Variants in FNDC3B observed in about 807,000 individuals in gnomAD.
The protein encoded by FNDC3B is fibronectin type III domain-containing protein 3B.
FNDC3B carries 12 observed loss-of-function variants against 151.5 expected under a neutral mutation model. The observed-to-expected ratio is 0.08, with a 90% CI of 0.05 to 0.13. The LOEUF is 0.13. Among genes scored for constraint, FNDC3B ranks in the 10% least tolerant of loss-of-function variants. The probability of loss-of-function intolerance (pLI) is 1.00; values close to 1 mark genes in which losing one functional copy is unlikely to be tolerated. For missense variants in FNDC3B, 1,214 were observed against 1,505.3 expected (o/e 0.81, Z 3.20); for synonymous variants, 528 against 549.0 (o/e 0.96, Z 0.54).
intron 3 of FNDC3B, among the ~76,000 whole-genome samples, chr3:172,171,468 T>C (rs1209532155): frequency 6.6e-6 from 1 of 152,102 alleles, no homozygotes; most frequent in African/African-American, 2.4e-5. Flanking sequence ...AAGAATGGGG[T>C]ATCTTTTTAA....
At chr3:172,195,724 T>C (rs1321430137) in intron 3 of FNDC3B, among the ~76,000 whole-genome samples, 1 of 152,196 alleles carries the variant, frequency 6.6e-6, no homozygotes, top group East Asian at 1.9e-4. Context: ...GCAGTACAGG[T>C]TAAGTCACAA....
chr3:172,123,490 C>A (rs1720657571), intron 2 of FNDC3B, among the ~76,000 whole-genome samples: 1 of 152,034 alleles, frequency 6.6e-6, no homozygotes, highest in Non-Finnish European at 1.5e-5. Context: ...ACATTAATCA[C>A]TGAGCATGTT....
At chr3:172,377,498 C>T (rs932191626) in intron 23 of FNDC3B, among the ~76,000 whole-genome samples, 1 of 152,134 alleles carries the variant, frequency 6.6e-6, no homozygotes, top group Non-Finnish European at 1.5e-5. Flanking sequence ...GGGAAAACAC[C>T]TAAAACATAA....
At chr3:172,172,465 T>C (rs1352043662) in intron 3 of FNDC3B, among the ~76,000 whole-genome samples, 1 of 152,236 alleles carries the variant, frequency 6.6e-6, no homozygotes, top group Non-Finnish European at 1.5e-5. Flanking sequence ...ATTACAAATC[T>C]GAGGGATAAT....
rs1370626385 is a variant in FNDC3B, at chr3:172,185,208, CAT to C, written c.188-41659_188-41658del. Among the ~76,000 whole-genome samples the C allele has an allele frequency of 5.3e-5, 8 of 152,266 alleles. No individual in the cohort carries two copies. The East Asian group carries it at 7.7e-4, about 15-fold the overall frequency. On this transcript the variant is annotated intron_variant, in intron 3 of 25. Transcript: ENST00000415807. ...CAAGTTTATAACTCCTTTCACATGA[CAT>C]ATAGATTTTTCATTTATAAAAAGTT...
intron 18 of FNDC3B, 103 bp from the exon 19 acceptor site, chr3:172,343,983 G>A (rs907620285): frequency 2.0e-6 from 2 of 1,003,560 alleles, no homozygotes; most frequent in African/African-American, 1.6e-5. Context: ...TACTGAGGCC[G>A]GCCACCTATG....
chr3:172,058,217 G>A lies in FNDC3B; in HGVS notation c.-29+18446G>A, dbSNP rs545682797. Among the ~76,000 whole-genome samples, 215 of 152,220 alleles carry A rather than the reference G, an allele frequency of 1.4e-3. 2 individuals carry two copies. The highest frequency in any genetic ancestry group is 2.5e-3 in the Non-Finnish European group (173 of 68,010). On this transcript the variant is annotated intron_variant, in intron 1 of 25. Coordinates refer to ENST00000415807, the MANE Select transcript of FNDC3B (RefSeq NM_022763.4). ...GTCAGAGCTTTCTCTCGGAATATTA[G>A]TTTTGCTTTTCAGAAGCAACATTCA...
rs1284518170 is a variant in FNDC3B, at chr3:172,381,064, T to C, written c.3274T>C (p.Leu1092=). 5 of 1,613,684 alleles carry C rather than the reference T, an allele frequency of 3.1e-6. No individual in the cohort carries two copies. Among genetic ancestry groups the C allele is most frequent in the Non-Finnish European group, 4.2e-6 (5 of 1,179,670 alleles). The change falls in exon 25 of 26, where the codon TTG becomes CTG. Residue 1092 remains leucine, a synonymous_variant. Coordinates refer to ENST00000415807, the MANE Select transcript of FNDC3B (RefSeq NM_022763.4). ...CCCTGTTAACTACATTCTGCAGGTATTGGTTGGAAGAGAATCTGAGTACAA... is the reference window on the plus strand; with the variant it reads ...CCCTGTTAACTACATTCTGCAGGTACTGGTTGGAAGAGAATCTGAGTACAA... The part of the protein sequence containing the change: ...GDPVNYILQV[L]VGRESEYKQV...
chr3:172,269,386 A>G (rs1022560113), intron 6 of FNDC3B, among the ~76,000 whole-genome samples: 7 of 152,022 alleles, frequency 4.6e-5, no homozygotes, highest in Non-Finnish European at 1.0e-4. Context: ...AGCCTCCTGA[A>G]TAGCTGGGAC....
intron 1 of FNDC3B, among the ~76,000 whole-genome samples, chr3:172,041,102 C>G (rs986529680): frequency 6.6e-6 from 1 of 152,168 alleles, no homozygotes; most frequent in East Asian, 1.9e-4. Context: ...TAGAATTTGG[C>G]CGCAATGGGC....
chr3:172,187,582 A>G (rs1453439641), intron 3 of FNDC3B, among the ~76,000 whole-genome samples: 1 of 152,268 alleles, frequency 6.6e-6, no homozygotes, highest in East Asian at 1.9e-4. Context: ...TACAACTTTT[A>G]AACCAACTTC....
Position 172,307,450 on chromosome 3 carries a change from C to T in FNDC3B, c.1149C>T (p.Phe383=). ...TTHSCAPECP[F]PPKLAHRSKS... ...ACAGCTGTGCACCCGAGTGTCCTTT[C>T]CCCCCTAAGCTGGCACATAGGAGCA... The change falls in exon 10 of 26, where the codon TTC becomes TTT. Residue 383 remains phenylalanine (F), a synonymous_variant. Transcript: ENST00000415807. The T allele has an allele frequency of 6.2e-7, 1 of 1,613,970 alleles. No individual in the cohort carries two copies. Among genetic ancestry groups the T allele is most frequent in the Non-Finnish European group, 8.5e-7 (1 of 1,179,900 alleles).
chr3:172,373,338 G>A (rs1734974715), intron 23 of FNDC3B, among the ~76,000 whole-genome samples: 1 of 152,210 alleles, frequency 6.6e-6, no homozygotes, highest in Non-Finnish European at 1.5e-5. Context: ...GGACCCTTCT[G>A]TTGCCTTCTG....
intron 25 of FNDC3B, 29 bp from the exon 26 acceptor site, chr3:172,397,135 A>G: frequency 1.3e-6 from 2 of 1,536,882 alleles, no homozygotes; most frequent in South Asian, 2.5e-5. Context: ...GCTATAAATT[A>G]ATTAACTAGG....
chr3:172,233,516 C>G (rs1355755123), intron 4 of FNDC3B, among the ~76,000 whole-genome samples: 1 of 152,124 alleles, frequency 6.6e-6, no homozygotes, highest in Admixed American at 6.6e-5. Flanking sequence ...GGAGAGCTGG[C>G]CAGAAAGCAG....
At chr3:172,046,644 C>T (rs1716384794) in intron 1 of FNDC3B, among the ~76,000 whole-genome samples, 1 of 152,026 alleles carries the variant, frequency 6.6e-6, no homozygotes, top group African/African-American at 2.4e-5. Flanking sequence ...TTTATAATAT[C>T]ATTAAAATAC....
At chr3:172,150,841 A>C (rs1722182568) in intron 3 of FNDC3B, among the ~76,000 whole-genome samples, 2 of 152,206 alleles carry the variant, frequency 1.3e-5, no homozygotes, top group African/African-American at 4.8e-5. Context: ...TGGGGTGTCC[A>C]TCCGCTCAAG....
chr3:172,168,359 G>A (rs921828018), intron 3 of FNDC3B, among the ~76,000 whole-genome samples: 8 of 152,056 alleles, frequency 5.3e-5, no homozygotes, highest in African/African-American at 1.9e-4. Flanking sequence ...TCTGATTCCT[G>A]CTATTTTGAA....
chr3:172,046,606 G>A (rs1716383226), intron 1 of FNDC3B, among the ~76,000 whole-genome samples: 1 of 151,980 alleles, frequency 6.6e-6, no homozygotes. Flanking sequence ...TATAGGTTAT[G>A]AGCCACCTTG....
Sources: gnomAD v4.1 joint callset for allele counts (sites outside exome capture counted in the v4.1 genomes callset) on GRCh38, gnomAD v4.1.1 for gene constraint, MANE v1.5 for transcripts, NCBI Gene and HGNC (gene_info 2026-07-23, HGNC 2026-07-21) for gene names.